Variants in STRBP observed in about 807,000 individuals in gnomAD.
STRBP encodes spermatid perinuclear RNA-binding protein.
Under a neutral mutation model 80.1 loss-of-function variants are expected in STRBP, and 13 were observed. The ratio of observed to expected loss-of-function variants is 0.16; its 90% CI spans 0.11 to 0.26. STRBP has a LOEUF of 0.26. Among genes scored for constraint, STRBP ranks in the 10% least tolerant of loss-of-function variants. The pLI is 1.00. For missense variants in STRBP, 485 were observed against 815.2 expected (o/e 0.59, Z 4.93); for synonymous variants, 284 against 291.2 (o/e 0.98, Z 0.25).
At chr9:123,228,773 T>C (rs982031479) in intron 2 of STRBP, among the ~76,000 whole-genome samples, 1 of 152,190 alleles carries the variant, frequency 6.6e-6, no homozygotes, top group Non-Finnish European at 1.5e-5. Flanking sequence ...AAAAACAATT[T>C]GGCAGTTCCT....
At chr9:123,153,841 C>T (rs1055270332) in intron 11 of STRBP, among the ~76,000 whole-genome samples, 5 of 152,074 alleles carry the variant, frequency 3.3e-5, no homozygotes, top group Non-Finnish European at 7.4e-5. Flanking sequence ...ATGAGGTCCC[C>T]TAAAGCATCA....
At chr9:123,120,995 CCAA>C (rs2035724055), downstream of STRBP, among the ~76,000 whole-genome samples, 1 of 152,316 alleles carries the variant, frequency 6.6e-6, no homozygotes, top group Non-Finnish European at 1.5e-5. Context: ...AGGCCCAATT[CCAA>C]CAACAAGGAG....
At chr9:123,220,722 T>C (rs1173061294) in intron 2 of STRBP, among the ~76,000 whole-genome samples, 2 of 152,204 alleles carry the variant, frequency 1.3e-5, no homozygotes, top group African/African-American at 4.8e-5. Context: ...CAGGACTGTA[T>C]AACTAACCTC....
intron 2 of STRBP, among the ~76,000 whole-genome samples, chr9:123,233,492 A>G (rs1344861357): frequency 6.6e-6 from 1 of 152,234 alleles, no homozygotes; most frequent in Non-Finnish European, 1.5e-5. Context: ...TTATTTTGAA[A>G]TGAAGCAAAA....
intron 2 of STRBP, among the ~76,000 whole-genome samples, chr9:123,197,577 CACTT>C (rs2039140035): frequency 1.3e-5 from 2 of 150,926 alleles, no homozygotes; most frequent in Admixed American, 1.3e-4. Flanking sequence ...ACTTAGCTTT[CACTT>C]ACTCATAGCT....
chr9:123,134,790 G>A (rs2036286937), intron 16 of STRBP, among the ~76,000 whole-genome samples: 1 of 151,932 alleles, frequency 6.6e-6, no homozygotes, highest in Admixed American at 6.6e-5. Flanking sequence ...GATGTAATAT[G>A]GGAAAAAACA....
chr9:123,234,035 T>C (rs771121992), intron 2 of STRBP, among the ~76,000 whole-genome samples: 9 of 151,624 alleles, frequency 5.9e-5, no homozygotes, highest in Middle Eastern at 6.8e-3. Context: ...CCCGTCTCTA[T>C]TAAAAATACA....
chr9:123,138,973 T>G (rs1163263868), intron 14 of STRBP, among the ~76,000 whole-genome samples: 2 of 152,216 alleles, frequency 1.3e-5, no homozygotes, highest in African/African-American at 4.8e-5. Context: ...CTGTGTATAC[T>G]CAGTACTTGG....
chr9:123,225,227 G>A (rs548279503), intron 2 of STRBP, among the ~76,000 whole-genome samples: 3 of 152,194 alleles, frequency 2.0e-5, no homozygotes, highest in East Asian at 1.9e-4. Flanking sequence ...TCTGGGTACC[G>A]GTTATAAGGA....
intron 6 of STRBP, chr9:123,168,317 T>C (rs1280228969): frequency 7.3e-6 from 5 of 689,020 alleles, no homozygotes; most frequent in African/African-American, 1.9e-5. Context: ...AGATACTACA[T>C]ACAGCAAAAA....
At chr9:123,128,310 A>AC in intron 17 of STRBP, 52 bp from the exon 18 acceptor site, 1 of 1,607,896 alleles carries the variant, frequency 6.2e-7, no homozygotes, top group Non-Finnish European at 8.5e-7. Flanking sequence ...GGCAATCATC[A>AC]CTGGCCCAAT....
intron 4 of STRBP, among the ~76,000 whole-genome samples, chr9:123,177,619 T>C (rs2038277439): frequency 6.6e-6 from 1 of 152,122 alleles, no homozygotes; most frequent in Non-Finnish European, 1.5e-5. Context: ...ATGGAGCATA[T>C]TATCCTGTAC....
chr9:123,119,811 G>A (rs116071589), downstream of STRBP, among the ~76,000 whole-genome samples: 191 of 152,290 alleles, frequency 1.3e-3, no homozygotes, highest in African/African-American at 4.5e-3. Context: ...TGAGCCCCAT[G>A]GGAATGTGCT....
chr9:123,182,044 A>C (rs781779922), intron 3 of STRBP, among the ~76,000 whole-genome samples: 3 of 151,050 alleles, frequency 2.0e-5, no homozygotes, highest in Non-Finnish European at 3.0e-5. Flanking sequence ...GTGAAACCCT[A>C]TCTCTACTAA....
At chr9:123,211,084 A>G (rs940832067) in intron 2 of STRBP, among the ~76,000 whole-genome samples, 1 of 152,232 alleles carries the variant, frequency 6.6e-6, no homozygotes, top group African/African-American at 2.4e-5. Flanking sequence ...ACAGACACAT[A>G]TTAGAATGTT....
intron 1 of STRBP, among the ~76,000 whole-genome samples, chr9:123,253,879 T>A (rs1010779057): frequency 6.6e-6 from 1 of 152,178 alleles, no homozygotes; most frequent in African/African-American, 2.4e-5. Context: ...TTATTCTAAT[T>A]GCTTAAAAAC....
In STRBP at chr9:123,123,586, T is replaced by C. The variant is rs1373321788; in HGVS notation, c.*2011A>G. 3 of 984,542 alleles carry C rather than the reference T, an allele frequency of 3.0e-6. No individual in the cohort carries two copies. Among genetic ancestry groups the C allele is most frequent in the Non-Finnish European group, 3.6e-6 (3 of 829,804 alleles). 61.0% of individuals were successfully genotyped at this position (984,542 alleles called of 1,614,324 possible). Reference sequence around the variant, plus strand: ...ACCATTTGAAATGACTGCCATCATGTTGGAAAACAGCACAGCTCCCTTTTC... The same window carrying C: ...ACCATTTGAAATGACTGCCATCATGCTGGAAAACAGCACAGCTCCCTTTTC... On this transcript the variant is annotated 3_prime_UTR_variant, in exon 19 of 19. Coordinates refer to ENST00000348403, the MANE Select transcript of STRBP (RefSeq NM_018387.5).
intron 3 of STRBP, among the ~76,000 whole-genome samples, chr9:123,180,496 A>G (rs994254340): frequency 6.6e-6 from 1 of 152,208 alleles, no homozygotes; most frequent in African/African-American, 2.4e-5. Context: ...TCTCAATCAA[A>G]ATCTCCTCAG....
At chr9:123,140,061 A>G (rs1464110476) in intron 13 of STRBP, among the ~76,000 whole-genome samples, 2 of 152,194 alleles carry the variant, frequency 1.3e-5, no homozygotes, top group African/African-American at 4.8e-5. Context: ...TGGTCTAGAA[A>G]GGAAAAAATC....
Sources: allele counts gnomAD v4.1 joint callset (sites outside exome capture counted in the v4.1 genomes callset), GRCh38; gene constraint gnomAD v4.1.1; transcripts MANE v1.5; gene names NCBI Gene and HGNC (gene_info 2026-07-23, HGNC 2026-07-21).